Variants in ZNF331 observed in about 807,000 individuals in gnomAD.
ZNF331 encodes the protein zinc finger protein 331.
A neutral mutation model predicts 7.0 loss-of-function variants in ZNF331; 2 were observed. That is an observed-to-expected ratio of 0.29 (90% confidence interval 0.12 to 0.90). The LOEUF is 0.90. ZNF331 is among the 40% of genes least tolerant of loss of function. The pLI is 0.58. For missense variants in ZNF331, 432 were observed against 587.7 expected (o/e 0.74, Z 2.74); for synonymous variants, 196 against 205.4 (o/e 0.95, Z 0.39).
the ZNF331 span, among the ~76,000 whole-genome samples, chr19:53,506,458 C>CTCTG: frequency 1.6e-5 from 2 of 125,900 alleles, no homozygotes; most frequent in African/African-American, 6.0e-5. Context: ...CTCTCTCTCT[C>CTCTG]TCTCTCTCTC....
the ZNF331 span, among the ~76,000 whole-genome samples, chr19:53,513,720 C>T: frequency 7.2e-5 from 11 of 152,140 alleles, no homozygotes; most frequent in Admixed American, 7.2e-4. Flanking sequence ...GGCACGATCT[C>T]GGCTCACTGC....
In ZNF331 at chr19:53,577,363, A is replaced by T; in HGVS notation, c.803A>T (p.Glu268Val). Residue 268 changes from glutamate (E) to valine (V), a missense_variant, in exon 6 of 6, where the codon GAG becomes GTG. This residue lies in a region of ZNF331 where 312 missense variants were observed against 448.6 expected (regional missense o/e 0.70). Coordinates refer to ENST00000449416, the MANE Select transcript of ZNF331 (RefSeq NM_001079906.2). ...CAGCACAAGAGAATTCATAGTGGGG[A>T]GAAGCCTTACGAGTGTAAAGACTGT... ...LIQHKRIHSG[E>V]KPYECKDCGK... 6.2e-7 allele frequency: 1 copy of T among 1,614,110 alleles called. No individual in the cohort carries two copies. Among genetic ancestry groups the T allele is most frequent in the Non-Finnish European group, 8.5e-7 (1 of 1,180,016 alleles).
chr19:53,523,011 T>C (rs551131675), intron 2 of ZNF331, among the ~76,000 whole-genome samples: 1 of 152,318 alleles, frequency 6.6e-6, no homozygotes, highest in African/African-American at 2.4e-5. Flanking sequence ...TTTTTATTAT[T>C]GTAGTTATTT....
chr19:53,568,606 A>G (rs756891954), intron 3 of ZNF331, among the ~76,000 whole-genome samples: 61 of 152,152 alleles, frequency 4.0e-4, no homozygotes, highest in Non-Finnish European at 1.2e-4. Flanking sequence ...GAGGTAATAT[A>G]GATTACCTTT....
chr19:53,523,763 G>T (rs1448214746), intron 2 of ZNF331, among the ~76,000 whole-genome samples: 12 of 145,586 alleles, frequency 8.2e-5, no homozygotes, highest in African/African-American at 1.8e-4. Context: ...TAGTCTATAG[G>T]GATACTATTT....
chr19:53,544,017 A>G (rs1568482333), intron 2 of ZNF331, among the ~76,000 whole-genome samples: 1 of 152,042 alleles, frequency 6.6e-6, no homozygotes, highest in South Asian at 2.1e-4. Flanking sequence ...TCACAAGGTC[A>G]GGAGATCGAG....
In ZNF331 at chr19:53,578,599, C is replaced by T. The variant is rs988565266; in HGVS notation, c.*647C>T. On this transcript the variant is annotated 3_prime_UTR_variant, in exon 6 of 6. Coordinates refer to ENST00000449416, the MANE Select transcript of ZNF331 (RefSeq NM_001079906.2). ...CAGGAAAAAATGTAGTATATAGTAT[C>T]GTATATATGTACAGGAAAAAAACGT... is the stretch of plus-strand genomic sequence containing the variant. 7 of 206,890 alleles carry T rather than the reference C, an allele frequency of 3.4e-5. No individual in the cohort carries two copies. The highest frequency in any genetic ancestry group is 1.9e-4 in the South Asian group (1 of 5,304). The allele number at this position is 206,890 out of a possible 1,614,324, so 12.8% of individuals were successfully genotyped here.
intron 2 of ZNF331, among the ~76,000 whole-genome samples, chr19:53,548,085 A>T (rs998175394): frequency 6.6e-6 from 1 of 151,324 alleles, no homozygotes; most frequent in Non-Finnish European, 1.5e-5. Flanking sequence ...ACATGCCATC[A>T]TGCCCGGCTA....
intron 2 of ZNF331, among the ~76,000 whole-genome samples, chr19:53,544,874 C>T (rs576568568): frequency 1.3e-5 from 2 of 151,942 alleles, no homozygotes; most frequent in Non-Finnish European, 2.9e-5. Flanking sequence ...GCGGGGATTA[C>T]AGGCTCCCAC....
Position 53,571,868 on chromosome 19 carries a change from TG to T in ZNF331, c.136+140del. The T allele has an allele frequency of 1.7e-6, 2 of 1,193,398 alleles. No homozygotes were observed. Among genetic ancestry groups the T allele is most frequent in the Non-Finnish European group, 2.3e-6 (2 of 878,702 alleles). The allele number at this position is 1,193,398 out of a possible 1,614,324, so 73.9% of individuals were successfully genotyped here. Reference sequence around the variant, plus strand: ...AGGAATGTATTGAGCCTTATTGATGTGGCCGTGAGCACCACAACCTTCCCCT... The same window carrying T: ...AGGAATGTATTGAGCCTTATTGATGTGCCGTGAGCACCACAACCTTCCCCT... On this transcript the variant is annotated intron_variant, in intron 5 of 5. Transcript: ENST00000449416. The surrounding 1 kb of genome is among the most constrained non-coding windows in gnomAD (Gnocchi z 4.7).
chr19:53,514,021 G>A, the ZNF331 span, among the ~76,000 whole-genome samples: 7 of 152,220 alleles, frequency 4.6e-5, no homozygotes, highest in Middle Eastern at 3.4e-3. Flanking sequence ...GGTATATATG[G>A]TTTAACATAT....
rs1390977264 is a variant in ZNF331 at position 53,579,618 on chromosome 19, A to G, written c.*1666A>G. ...TGCCATTAGTGAATTTTTACAAGAA[A>G]ACTCCCTGTGGGTGCAATGAGTCTG... is the stretch of plus-strand genomic sequence containing the variant. On this transcript the variant is annotated 3_prime_UTR_variant, in exon 6 of 6. Transcript: ENST00000449416. 2 of 200,004 alleles carry G rather than the reference A, an allele frequency of 1.0e-5. No homozygotes were observed. The highest frequency in any genetic ancestry group is 7.7e-5 in the East Asian group (1 of 12,926). The allele number at this position is 200,004 out of a possible 1,614,324, so 12.4% of individuals were successfully genotyped here.
chr19:53,547,143 T>C (rs2088668284), intron 2 of ZNF331, among the ~76,000 whole-genome samples: 1 of 152,206 alleles, frequency 6.6e-6, no homozygotes, highest in Admixed American at 6.5e-5. Flanking sequence ...TTAGTCACCA[T>C]GCTAGACAAT....
intron 3 of ZNF331, among the ~76,000 whole-genome samples, chr19:53,563,526 G>A (rs1411093138): frequency 6.6e-6 from 1 of 151,910 alleles, no homozygotes; most frequent in Non-Finnish European, 1.5e-5. Context: ...ATTAAGCTCT[G>A]AAAATTGTTT....
chr19:53,558,770 C>T lies in ZNF331; in HGVS notation c.-74+2862C>T, dbSNP rs1264882827. Among the ~76,000 whole-genome samples the T allele has an allele frequency of 6.6e-6, 1 of 151,686 alleles. No individual in the cohort carries two copies. The highest frequency in any genetic ancestry group is 1.5e-5 in the Non-Finnish European group (1 of 67,900). ...TTACCAAGGGTTATGGAATTATGAG[C>T]CAGGAACCATGGACAAGAACATACA... On this transcript the variant is annotated intron_variant, in intron 3 of 5. Coordinates refer to ENST00000449416, the MANE Select transcript of ZNF331 (RefSeq NM_001079906.2). This position sits in a 1 kb window ranked among gnomAD's most constrained non-coding sequence, Gnocchi z 4.5.
At chr19:53,570,456 A>G (rs1423910515) in intron 4 of ZNF331, among the ~76,000 whole-genome samples, 2 of 152,198 alleles carry the variant, frequency 1.3e-5, no homozygotes, top group Non-Finnish European at 2.9e-5. Flanking sequence ...TTAAATGCTT[A>G]AAAGGAAGAC....
the ZNF331 span, among the ~76,000 whole-genome samples, chr19:53,504,853 C>G: frequency 6.6e-6 from 1 of 152,092 alleles, no homozygotes; most frequent in Non-Finnish European, 1.5e-5. Context: ...GTGTGGTTAG[C>G]GGACAGAAAA....
chr19:53,513,585 T>C, the ZNF331 span, among the ~76,000 whole-genome samples: 2 of 152,184 alleles, frequency 1.3e-5, no homozygotes, highest in African/African-American at 2.4e-5. Flanking sequence ...TGTGAAGTGA[T>C]ACCTCACTGT....
chr19:53,520,116 C>T (rs1232014117), upstream of ZNF331, among the ~76,000 whole-genome samples: 5 of 150,740 alleles, frequency 3.3e-5, no homozygotes, highest in East Asian at 5.9e-4. Context: ...GGTGTGATCT[C>T]GGCTCACTGC....
Sources: gnomAD v4.1 joint callset for allele counts (sites outside exome capture counted in the v4.1 genomes callset) on GRCh38, gnomAD v4.1.1 for gene constraint, gnomAD v4.1.1 regional missense constraint, Gnocchi (gnomAD v3.1) non-coding constraint, MANE v1.5 for transcripts, NCBI Gene and HGNC (gene_info 2026-07-23, HGNC 2026-07-21) for gene names.